The following MYOCD variants were observed in gnomAD, a reference collection of about 807,000 sequenced individuals.
MYOCD encodes myocardin.
Under a neutral mutation model 96.1 loss-of-function variants are expected in MYOCD, and 32 were observed. The ratio of observed to expected loss-of-function variants is 0.33; its 90% confidence interval spans 0.25 to 0.45. The LOEUF (loss-of-function observed/expected upper bound fraction) is 0.45, where lower values mean the gene tolerates loss of function less well. Ranked by LOEUF, MYOCD falls within the 20% of genes least tolerant of loss-of-function variation. The pLI is 1.00. For missense variants in MYOCD, 1,133 were observed against 1,200.6 expected, an observed-to-expected ratio of 0.94 and a Z score of 0.83; for synonymous variants, 469 against 469.0, an observed-to-expected ratio of 1.00 and a Z score of 0.00.
chr17:12,750,368 C>A (rs1269615036), intron 9 of MYOCD, among the ~76,000 whole-genome samples: 1 of 152,024 alleles, frequency 6.6e-6, no homozygotes, highest in Admixed American at 6.6e-5. Flanking sequence ...CTTTGAATAG[C>A]AATGTAATAA....
intron 1 of MYOCD, among the ~76,000 whole-genome samples, chr17:12,700,917 TG>T (rs921485446): frequency 1.3e-5 from 2 of 152,124 alleles, no homozygotes; most frequent in East Asian, 1.9e-4. Context: ...TGTATGTGTG[TG>T]GGGGGGTTAT....
At chr17:12,704,971 T>C in intron 1 of MYOCD, 157 bp from the exon 2 acceptor site, 1 of 605,138 alleles carries the variant, frequency 1.7e-6, no homozygotes, top group South Asian at 2.1e-5. Context: ...CTCTCCTTCT[T>C]CTTCCACTGT....
At chr17:12,708,828 C>T (rs1271053995) in intron 2 of MYOCD, among the ~76,000 whole-genome samples, 1 of 152,152 alleles carries the variant, frequency 6.6e-6, no homozygotes, top group Non-Finnish European at 1.5e-5. Flanking sequence ...GAGGCCAGAA[C>T]CTGTGTCTCC....
At position 12,758,117 on chromosome 17, in the gene MYOCD, G is replaced by A; in HGVS notation, c.2235G>A (p.Gly745=). 2 of 1,614,076 alleles carry A rather than the reference G, an allele frequency of 1.2e-6. No individual in the cohort carries two copies. The highest frequency in any genetic ancestry group is 1.1e-5 in the South Asian group (1 of 91,070). The change falls in exon 12 of 14, where the codon GGG becomes GGA. Residue 745 remains glycine, a synonymous_variant. Coordinates refer to ENST00000425538, the MANE Select transcript of MYOCD (RefSeq NM_001146312.3). The part of the protein sequence containing the change: ...MAGLHSSDKV[G]PKFSIPSPTF... Reference sequence around the variant, plus strand: ...GTTTACACTCTTCTGATAAGGTGGGGCCAAAGTTTTCAATTCCATCCCCAA... The same window carrying A: ...GTTTACACTCTTCTGATAAGGTGGGACCAAAGTTTTCAATTCCATCCCCAA...
chr17:12,694,032 C>T (rs1597744952), intron 1 of MYOCD, among the ~76,000 whole-genome samples: 1 of 152,022 alleles, frequency 6.6e-6, no homozygotes, highest in African/African-American at 2.4e-5. Context: ...AGAATGAGGT[C>T]CCCAAAAAGG....
intron 1 of MYOCD, among the ~76,000 whole-genome samples, chr17:12,679,327 G>A (rs1452098638): frequency 6.6e-6 from 1 of 152,196 alleles, no homozygotes; most frequent in African/African-American, 2.4e-5. Context: ...GGGAGAGGAG[G>A]ACAGAATGAG....
At chr17:12,725,642 G>T (rs1376016382) in intron 5 of MYOCD, among the ~76,000 whole-genome samples, 1 of 149,692 alleles carries the variant, frequency 6.7e-6, no homozygotes, top group Non-Finnish European at 1.5e-5. Context: ...CCTTGCCAGT[G>T]CCTCAAAAGT....
Position 12,715,956 on chromosome 17 carries a change from G to A in MYOCD, c.177+382G>A, listed in dbSNP as rs181312764. ...AGATTTTAAAAAATCCAATTCAAGG[G>A]TAAGGCATGGTTTATGCATACAGAA... On this transcript the variant is annotated intron_variant, in intron 3 of 13. Transcript: ENST00000425538. Among the ~76,000 whole-genome samples, 238 of 152,206 alleles carry A rather than the reference G, an allele frequency of 1.6e-3. 2 individuals carry two copies. The highest frequency in any genetic ancestry group is 5.5e-3 in the African/African-American group (228 of 41,546).
At chr17:12,700,679 G>A (rs1397610988) in intron 1 of MYOCD, among the ~76,000 whole-genome samples, 3 of 151,302 alleles carry the variant, frequency 2.0e-5, no homozygotes, top group Non-Finnish European at 4.4e-5. Context: ...CTCCCAAAGT[G>A]CTGGGATTAC....
intron 1 of MYOCD, among the ~76,000 whole-genome samples, chr17:12,676,925 C>T (rs1190118403): frequency 2.0e-5 from 3 of 152,136 alleles, no homozygotes; most frequent in Non-Finnish European, 4.4e-5. Context: ...AGAATGCCTC[C>T]TTCATTGGAA....
rs565538497 is a variant in MYOCD at position 12,698,817 on chromosome 17, A to G, written c.56-6311A>G. Among the ~76,000 whole-genome samples the G allele has an allele frequency of 3.9e-5, 5 of 128,060 alleles. No homozygotes were observed. In the South Asian group the frequency reaches 1.2e-3, roughly 32 times the overall value. The allele number at this position is 128,060 out of a possible 152,430, so 84.0% of individuals were successfully genotyped here. The stretch of plus-strand genomic sequence containing the variant: ...GAGTGCAGTGGCGTGATCTCAGCTC[A>G]CTGCAAGCTCCGCCTCCCCGGTTCA... On this transcript the variant is annotated intron_variant, in intron 1 of 13. Transcript: ENST00000425538.
At chr17:12,758,382 A>C in intron 12 of MYOCD, 169 bp downstream of exon 12, 1 of 1,043,760 alleles carries the variant, frequency 9.6e-7, no homozygotes, top group East Asian at 2.6e-5. Flanking sequence ...ACAGTGTTGC[A>C]TGTGTAGCTG....
At chr17:12,666,673 T>A (rs1909394983) in intron 1 of MYOCD, among the ~76,000 whole-genome samples, 1 of 152,104 alleles carries the variant, frequency 6.6e-6, no homozygotes, top group South Asian at 2.1e-4. Flanking sequence ...TCCAAACAAA[T>A]GTATTTCCCA....
At chr17:12,727,701 A>C (rs1025203083) in intron 5 of MYOCD, among the ~76,000 whole-genome samples, 3 of 152,210 alleles carry the variant, frequency 2.0e-5, no homozygotes, top group Non-Finnish European at 4.4e-5. Flanking sequence ...CCAACCCTGC[A>C]ATAGAAACTC....
intron 5 of MYOCD, among the ~76,000 whole-genome samples, chr17:12,729,253 G>A (rs1377423140): frequency 2.0e-5 from 3 of 152,190 alleles, no homozygotes; most frequent in Admixed American, 1.3e-4. Flanking sequence ...TGAGGCATAC[G>A]TGACAAATAC....
intron 1 of MYOCD, among the ~76,000 whole-genome samples, chr17:12,685,252 A>C (rs1239564920): frequency 6.6e-6 from 1 of 152,138 alleles, no homozygotes; most frequent in Admixed American, 6.6e-5. Flanking sequence ...GTGAGCCAAG[A>C]TCACACTACT....
intron 1 of MYOCD, among the ~76,000 whole-genome samples, chr17:12,685,042 T>C (rs1434619259): frequency 6.6e-6 from 1 of 152,104 alleles, no homozygotes; most frequent in African/African-American, 2.4e-5. Context: ...ATGCCTGTAA[T>C]CCCAGCACTT....
chr17:12,729,655 G>GCAAC (rs2032108872), intron 5 of MYOCD, among the ~76,000 whole-genome samples: 1 of 151,834 alleles, frequency 6.6e-6, no homozygotes, highest in Non-Finnish European at 1.5e-5. Flanking sequence ...TCTGCTCACT[G>GCAAC]CAACCTCCCA....
At chr17:12,763,007 CA>C in intron 13 of MYOCD, 65 bp from the exon 14 acceptor site, 1 of 1,363,624 alleles carries the variant, frequency 7.3e-7, no homozygotes, top group Non-Finnish European at 1.0e-6. Flanking sequence ...AAGTGTAACT[CA>C]CTCATATTGT....
Sources: allele counts gnomAD v4.1 joint callset (sites outside exome capture counted in the v4.1 genomes callset), GRCh38; gene constraint gnomAD v4.1.1; transcripts MANE v1.5; gene names NCBI Gene and HGNC (gene_info 2026-07-23, HGNC 2026-07-21).